MMP20: variants seen among roughly 807,000 people sequenced by gnomAD.
MMP20 encodes the protein matrix metalloproteinase-20.
A neutral mutation model predicts 51.8 loss-of-function variants in MMP20; 50 were observed. The observed-to-expected ratio is 0.97, with a 90% CI of 0.77 to 1.22. The LOEUF (loss-of-function observed/expected upper bound fraction) is 1.22, where lower values mean the gene tolerates loss of function less well. Among genes scored for constraint, MMP20 ranks in the 50% most tolerant of loss-of-function variants. The probability of loss-of-function intolerance (pLI) is 0.00; values close to 1 mark genes in which losing one functional copy is unlikely to be tolerated. For synonymous variants in MMP20, 244 were observed against 216.2 expected (o/e 1.13, Z -1.13); for missense variants, 663 against 601.4 (o/e 1.10, Z -1.07).
At chr11:102,581,391 A>G (rs1859194505) in intron 8 of MMP20, among the ~76,000 whole-genome samples, 2 of 152,096 alleles carry the variant, frequency 1.3e-5, no homozygotes, top group Non-Finnish European at 2.9e-5. Context: ...GTGGTAGGCA[A>G]GGTTGAGAAG....
chr11:102,579,887 C>A (rs748335666), intron 8 of MMP20, among the ~76,000 whole-genome samples: 1 of 151,994 alleles, frequency 6.6e-6, no homozygotes, highest in Non-Finnish European at 1.5e-5. Flanking sequence ...CTATCAATTC[C>A]TTGGTTCATC....
chr11:102,617,498 A>G (rs1438711315), intron 1 of MMP20, among the ~76,000 whole-genome samples: 2 of 152,228 alleles, frequency 1.3e-5, no homozygotes, highest in Admixed American at 1.3e-4. Flanking sequence ...TATTGGTATC[A>G]TCTTTCCATT....
At chr11:102,614,637 A>T (rs565810070) in intron 2 of MMP20, among the ~76,000 whole-genome samples, 1 of 151,884 alleles carries the variant, frequency 6.6e-6, no homozygotes, top group Non-Finnish European at 1.5e-5. Context: ...TTCTCCCCCA[A>T]TTGCTTTGTT....
intron 2 of MMP20, among the ~76,000 whole-genome samples, chr11:102,612,203 G>T (rs1007064552): frequency 5.9e-5 from 9 of 152,160 alleles, no homozygotes; most frequent in Admixed American, 5.9e-4. Context: ...AGTGGCTCAC[G>T]CCTGTAATCC....
chr11:102,585,841 C>G lies in MMP20; in HGVS notation c.1248-6699G>C, dbSNP rs959754881. On this transcript the variant is annotated intron_variant, in intron 8 of 9. Coordinates refer to ENST00000260228, the MANE Select transcript of MMP20 (RefSeq NM_004771.4). The stretch of plus-strand genomic sequence containing the variant: ...TATCATGAAATAATGTTGAATTTTG[C>G]CAAATGCTTTTACTGTATCTACTGA... Among the ~76,000 whole-genome samples the G allele has an allele frequency of 1.3e-4, 20 of 152,008 alleles. 1 individual carries two copies. The highest frequency in any genetic ancestry group is 1.2e-3 in the Admixed American group (19 of 15,258).
At chr11:102,597,805 T>C (rs528949228) in intron 6 of MMP20, among the ~76,000 whole-genome samples, 5 of 152,306 alleles carry the variant, frequency 3.3e-5, no homozygotes, top group African/African-American at 1.2e-4. Context: ...TTCACTCTTG[T>C]TGCCCAGGCT....
At chr11:102,622,902 G>A (rs1859768537) in intron 1 of MMP20, among the ~76,000 whole-genome samples, 2 of 152,150 alleles carry the variant, frequency 1.3e-5, no homozygotes, top group African/African-American at 4.8e-5. Context: ...TATAAGGTGG[G>A]ATGTTATTAA....
intron 8 of MMP20, among the ~76,000 whole-genome samples, chr11:102,583,111 G>T (rs1667259350): frequency 6.6e-6 from 1 of 152,110 alleles, no homozygotes; most frequent in Non-Finnish European, 1.5e-5. Flanking sequence ...GCTGCTTCTT[G>T]TTCCCCTAAA....
rs1433838208 is a variant in MMP20, at chr11:102,609,112, G to A, written c.650-14C>T. ...ACAAATTAAAACCTAGACAATATGAGAGAGAAAAAAACAGTATCAACACAG... is the reference window on the plus strand; with the variant it reads ...ACAAATTAAAACCTAGACAATATGAAAGAGAAAAAAACAGTATCAACACAG... On this transcript the variant is annotated splice_polypyrimidine_tract_variant and intron_variant, in intron 4 of 9. Coordinates refer to ENST00000260228, the MANE Select transcript of MMP20 (RefSeq NM_004771.4). 5.0e-6 allele frequency: 8 copies of A among 1,613,514 alleles called. No individual in the cohort carries two copies. Among genetic ancestry groups the A allele is most frequent in the Non-Finnish European group, 5.9e-6 (7 of 1,179,676 alleles).
At chr11:102,606,501 C>T (rs1437667194) in intron 6 of MMP20, 34 bp downstream of exon 6, 2 of 1,613,106 alleles carry the variant, frequency 1.2e-6, no homozygotes, top group Non-Finnish European at 1.7e-6. Flanking sequence ...GGAGATGAGG[C>T]CCAATGAGAG....
intron 8 of MMP20, among the ~76,000 whole-genome samples, chr11:102,585,531 A>G (rs1859244750): frequency 6.6e-6 from 1 of 152,204 alleles, no homozygotes. Context: ...TCTATATAAA[A>G]GATAATACCA....
chr11:102,610,111 C>A (rs768638551), intron 3 of MMP20, 81 bp from the exon 4 acceptor site: 8 of 1,477,004 alleles, frequency 5.4e-6, no homozygotes, highest in Non-Finnish European at 6.6e-6. Context: ...AGAAAAGGGA[C>A]ATTTTGAGTA....
chr11:102,611,891 G>A lies in MMP20; in HGVS notation c.387C>T (p.Tyr129=). The change falls in exon 3 of 10, where the codon TAC becomes TAT. Residue 129 remains tyrosine (Y), a synonymous_variant. Transcript: ENST00000260228. ...KNTLTYRISK[Y]TPSMSSVEVD... is the part of the protein sequence containing the mutation. ...CCTCGACAGAACTCATGGAAGGTGTGTATTTAGATATTCTGTGAAAACGGA... is the reference window on the plus strand; with the variant it reads ...CCTCGACAGAACTCATGGAAGGTGTATATTTAGATATTCTGTGAAAACGGA... 1 of 1,614,124 alleles carries A rather than the reference G, an allele frequency of 6.2e-7. No homozygotes were observed. The highest frequency in any genetic ancestry group is 8.5e-7 in the Non-Finnish European group (1 of 1,179,950).
chr11:102,583,233 T>C (rs1859216297), intron 8 of MMP20, among the ~76,000 whole-genome samples: 2 of 152,204 alleles, frequency 1.3e-5, no homozygotes, highest in Non-Finnish European at 2.9e-5. Flanking sequence ...TTTCTACTGT[T>C]TGAAGAACAA....
At chr11:102,581,833 C>G (rs1018826163) in intron 8 of MMP20, among the ~76,000 whole-genome samples, 28 of 152,096 alleles carry the variant, frequency 1.8e-4, no homozygotes, top group African/African-American at 7.2e-5. Context: ...AGTAAGCCAG[C>G]CATCAAGAAA....
chr11:102,619,140 T>C (rs1859714787), intron 1 of MMP20, among the ~76,000 whole-genome samples: 1 of 152,160 alleles, frequency 6.6e-6, no homozygotes, highest in Admixed American at 6.5e-5. Flanking sequence ...ATCTTTTTTT[T>C]TTTGCAAATG....
At chr11:102,589,620 C>T (rs188735855) in intron 8 of MMP20, among the ~76,000 whole-genome samples, 14 of 152,188 alleles carry the variant, frequency 9.2e-5, no homozygotes, top group Admixed American at 7.9e-4. Context: ...AAAGGTGATC[C>T]AAATTGTCAG....
chr11:102,594,542 T>C, intron 7 of MMP20, 79 bp downstream of exon 7: 1 of 1,576,812 alleles, frequency 6.3e-7, no homozygotes, highest in Non-Finnish European at 8.7e-7. Flanking sequence ...ACTGGAAAAA[T>C]GCTGGCAGGG....
intron 6 of MMP20, among the ~76,000 whole-genome samples, chr11:102,601,595 T>A (rs540490195): frequency 6.6e-6 from 1 of 152,360 alleles, no homozygotes; most frequent in Non-Finnish European, 1.5e-5. Context: ...GTCTCCTTTA[T>A]GTGGGAGATT....
Sources: allele counts gnomAD v4.1 joint callset (sites outside exome capture counted in the v4.1 genomes callset), GRCh38; gene constraint gnomAD v4.1.1; transcripts MANE v1.5; gene names NCBI Gene and HGNC (gene_info 2026-07-23, HGNC 2026-07-21).